AADACL2: variants seen among roughly 807,000 people sequenced by gnomAD.
The protein encoded by AADACL2 is arylacetamide deacetylase-like 2.
Under a neutral mutation model 22.3 loss-of-function variants are expected in AADACL2, and 23 were observed. The ratio of observed to expected loss-of-function variants is 1.03; its 90% CI spans 0.74 to 1.46. AADACL2 has a LOEUF of 1.46. Among genes scored for constraint, AADACL2 ranks in the 40% most tolerant of loss-of-function variants. AADACL2 has a pLI of 0.00. For synonymous variants in AADACL2, 177 were observed against 166.2 expected (o/e 1.07, Z -0.50); for missense variants, 472 against 482.9 (o/e 0.98, Z 0.21).
At chr3:151,735,856 T>C (rs1411206181) in intron 1 of AADACL2, among the ~76,000 whole-genome samples, 2 of 152,210 alleles carry the variant, frequency 1.3e-5, no homozygotes, top group Non-Finnish European at 2.9e-5. Flanking sequence ...GGAATAATTA[T>C]AATAATAAAG....
Position 151,736,022 on chromosome 3 carries a change from G to A in AADACL2, c.138+1849G>A, listed in dbSNP as rs1713074561. Among the ~76,000 whole-genome samples the A allele has an allele frequency of 2.6e-5, 4 of 152,018 alleles. No individual in the cohort carries two copies. The South Asian group carries it at 8.3e-4, about 32-fold the overall frequency. On this transcript the variant is annotated intron_variant, in intron 1 of 4. Coordinates refer to ENST00000356517, the MANE Select transcript of AADACL2 (RefSeq NM_207365.4). The stretch of plus-strand genomic sequence containing the variant: ...TATGGAATTTAAAGGTGAGGAAAGT[G>A]CCCTAATCTTTTTGGAGTTGAAAGC...
intron 4 of AADACL2, among the ~76,000 whole-genome samples, chr3:151,752,255 T>C (rs760374772): frequency 2.6e-5 from 4 of 152,162 alleles, no homozygotes; most frequent in Non-Finnish European, 5.9e-5. Context: ...GCTTTAAAAA[T>C]TCGGTATCAA....
intron 1 of AADACL2, among the ~76,000 whole-genome samples, chr3:151,739,897 G>T (rs1713222707): frequency 6.6e-6 from 1 of 152,216 alleles, no homozygotes. Context: ...ACTTCAGACT[G>T]CTGTGCTGGC....
intron 4 of AADACL2, among the ~76,000 whole-genome samples, chr3:151,751,123 T>A (rs1713651341): frequency 6.6e-6 from 1 of 152,220 alleles, no homozygotes; most frequent in Non-Finnish European, 1.5e-5. Flanking sequence ...TGCTATTTAC[T>A]TGAAATAATG....
At chr3:151,737,854 A>G (rs896537366) in intron 1 of AADACL2, among the ~76,000 whole-genome samples, 3 of 152,026 alleles carry the variant, frequency 2.0e-5, no homozygotes, top group African/African-American at 7.3e-5. Context: ...GTGTCTTTCA[A>G]TGTGAGATGG....
chr3:151,745,637 G>C lies in AADACL2; in HGVS notation c.560G>C (p.Gly187Ala). ...GVDPTRICIA[G>A]DSSGGNLATA... ...GATCCCACCCGAATCTGCATTGCGG[G>C]AGACAGTTCTGGGGGCAATTTAGCA... Residue 187 changes from glycine to alanine, a missense_variant, in exon 4 of 5, where the codon GGA (glycine) becomes GCA (alanine). By Grantham distance (60) the Gly-to-Ala change is moderately conservative. This residue lies in a region of AADACL2 where 356 missense variants were observed against 365.5 expected (regional missense o/e 0.97). Coordinates refer to ENST00000356517, the MANE Select transcript of AADACL2 (RefSeq NM_207365.4). 6.2e-7 allele frequency: 1 copy of C among 1,612,970 alleles called. No homozygotes were observed. The highest frequency in any genetic ancestry group is 2.2e-5 in the East Asian group (1 of 44,834).
chr3:151,741,528 T>C (rs571819580), intron 2 of AADACL2, among the ~76,000 whole-genome samples: 3 of 152,170 alleles, frequency 2.0e-5, no homozygotes, highest in African/African-American at 7.2e-5. Context: ...CAAAATGTTC[T>C]AATCCATTTC....
In AADACL2 at chr3:151,757,711, T is replaced by C. The variant is rs1713988568; in HGVS notation, c.*117T>C. Reference sequence around the variant, plus strand: ...TCTAAATCTACATTTGCAACATTTGTAGCAGTTAATGTGTGTCCTTGAAGA... The same window carrying C: ...TCTAAATCTACATTTGCAACATTTGCAGCAGTTAATGTGTGTCCTTGAAGA... On this transcript the variant is annotated 3_prime_UTR_variant, in exon 5 of 5. Transcript: ENST00000356517. 3.1e-6 allele frequency: 4 copies of C among 1,297,604 alleles called. No homozygotes were observed. The highest frequency in any genetic ancestry group is 3.0e-5 in the African/African-American group (2 of 67,498). The allele number at this position is 1,297,604 out of a possible 1,614,324, so 80.4% of individuals were successfully genotyped here.
In AADACL2 at chr3:151,740,663, TA is replaced by T; in HGVS notation, c.157del (p.Met53CysfsTer4). The T allele has an allele frequency of 6.2e-7, 1 of 1,609,182 alleles. No homozygotes were observed. Among genetic ancestry groups the T allele is most frequent in the Non-Finnish European group, 8.5e-7 (1 of 1,177,230 alleles). On this transcript the variant is annotated frameshift_variant, in exon 2 of 5. Coordinates refer to ENST00000356517, the MANE Select transcript of AADACL2 (RefSeq NM_207365.4). LOFTEE classifies it high-confidence loss of function. ...CTFTAMCFEN[M>X]RIMRYEEFIS... The stretch of plus-strand genomic sequence containing the variant: ...TCTTACAGGCTATGTGTTTTGAAAA[TA>T]TGCGTATTATGAGATATGAAGAGTT...
chr3:151,740,066 A>G (rs1190982946), intron 1 of AADACL2, among the ~76,000 whole-genome samples: 5 of 151,792 alleles, frequency 3.3e-5, no homozygotes, highest in South Asian at 4.2e-4. Context: ...TACAAAAGAA[A>G]CTCCTGCAGC....
chr3:151,753,453 C>T (rs148105509), intron 4 of AADACL2, among the ~76,000 whole-genome samples: 19 of 152,248 alleles, frequency 1.2e-4, no homozygotes, highest in African/African-American at 4.3e-4. Flanking sequence ...ATGGTTGGAA[C>T]ATGCGTGCTA....
chr3:151,757,310 T>C lies in AADACL2; in HGVS notation c.922T>C (p.Ser308Pro), dbSNP rs756464535. 5.6e-6 allele frequency: 9 copies of C among 1,613,802 alleles called. No individual in the cohort carries two copies. The highest frequency in any genetic ancestry group is 7.6e-6 in the Non-Finnish European group (9 of 1,179,730). ...ACCAATTCTTGGAGGACTTAGTTAT[T>C]CATTGCCAGGACTTACAGACAGCAG... ...TEPILGGLSY[S>P]LPGLTDSRAL... is the part of the protein sequence containing the mutation. Residue 308 changes from serine to proline, a missense_variant, in exon 5 of 5, where the codon TCA (serine) becomes CCA (proline). Ser to Pro is a moderately conservative substitution (Grantham distance 74). Coordinates refer to ENST00000356517, the MANE Select transcript of AADACL2 (RefSeq NM_207365.4).
At chr3:151,750,813 G>A (rs1175785322) in intron 4 of AADACL2, among the ~76,000 whole-genome samples, 1 of 151,960 alleles carries the variant, frequency 6.6e-6, no homozygotes, top group Admixed American at 6.5e-5. Context: ...AAGTATATAT[G>A]CACATACATA....
intron 1 of AADACL2, among the ~76,000 whole-genome samples, chr3:151,739,523 C>G (rs1032957215): frequency 6.6e-6 from 1 of 152,204 alleles, no homozygotes; most frequent in Non-Finnish European, 1.5e-5. Flanking sequence ...AGCTCAAGCA[C>G]TGTGCTGGGA....
rs1384121961 is a variant in AADACL2, at chr3:151,757,046, C to G, written c.658C>G (p.Pro220Ala). The change falls in exon 5 of 5, where the codon CCT becomes GCT. Residue 220 changes from proline to alanine, a missense_variant. This residue lies in a region of AADACL2 where 356 missense variants were observed against 365.5 expected (regional missense o/e 0.97). Transcript: ENST00000356517. ...HKIKMQVLLY[P>A]GLQITDSYLP... is the part of the protein sequence containing the mutation. ...AATCAAGATGCAAGTCTTACTTTAC[C>G]CTGGCTTACAGATAACAGATTCTTA... The G allele has an allele frequency of 3.1e-6, 5 of 1,610,058 alleles. No homozygotes were observed. The highest frequency in any genetic ancestry group is 1.7e-6 in the Non-Finnish European group (2 of 1,178,500).
intron 2 of AADACL2, among the ~76,000 whole-genome samples, chr3:151,741,220 T>A (rs1232000769): frequency 6.6e-6 from 1 of 152,196 alleles, no homozygotes; most frequent in Non-Finnish European, 1.5e-5. Flanking sequence ...TGCAGATGTT[T>A]TAATTAACAA....
intron 1 of AADACL2, among the ~76,000 whole-genome samples, chr3:151,736,964 C>T (rs577073312): frequency 6.6e-6 from 1 of 152,292 alleles, no homozygotes; most frequent in East Asian, 1.9e-4. Flanking sequence ...CTTCCTATTT[C>T]TCTGCATCCA....
At chr3:151,754,435 A>C (rs1428782382) in intron 4 of AADACL2, among the ~76,000 whole-genome samples, 5 of 152,128 alleles carry the variant, frequency 3.3e-5, no homozygotes, top group Admixed American at 1.3e-4. Context: ...TAGAGATTCA[A>C]ACTGGGGGAC....
intron 4 of AADACL2, chr3:151,751,645 T>G (rs958347713): frequency 6.6e-6 from 1 of 151,706 alleles, no homozygotes; most frequent in Non-Finnish European, 1.5e-5. Flanking sequence ...ATCACACCAC[T>G]GCAATGCAAC....
Sources: allele counts gnomAD v4.1 joint callset (sites outside exome capture counted in the v4.1 genomes callset), GRCh38; gene constraint gnomAD v4.1.1; regional missense constraint gnomAD v4.1.1; transcripts MANE v1.5; gene names NCBI Gene and HGNC (gene_info 2026-07-23, HGNC 2026-07-21).